RGMA: variants seen among roughly 807,000 people sequenced by gnomAD.
The protein encoded by RGMA is repulsive guidance molecule A.
Under a neutral mutation model 23.2 loss-of-function variants are expected in RGMA, and 10 were observed. That is an observed-to-expected ratio of 0.43 (90% confidence interval 0.27 to 0.73). The LOEUF (loss-of-function observed/expected upper bound fraction) is 0.73. RGMA is among the 30% of genes least tolerant of loss of function. The pLI is 0.20. For missense variants in RGMA, 547 were observed against 630.5 expected (o/e 0.87, Z 1.42); for synonymous variants, 308 against 279.3 (o/e 1.10, Z -1.03).
intron 1 of RGMA, among the ~76,000 whole-genome samples, chr15:93,084,690 C>T (rs1460978231): frequency 6.6e-6 from 1 of 152,160 alleles, no homozygotes; most frequent in Admixed American, 6.5e-5. Flanking sequence ...CCATGCTGGT[C>T]TCGAACCCCT....
chr15:93,051,433 C>T (rs769452468), intron 3 of RGMA, among the ~76,000 whole-genome samples: 16 of 152,342 alleles, frequency 1.1e-4, no homozygotes, highest in East Asian at 5.8e-4. Flanking sequence ...TTCCTGGCCT[C>T]GAGGCCTTGC....
At position 93,073,427 on chromosome 15, in the gene RGMA, G is replaced by A. The variant is rs148092843; in HGVS notation, c.15-396C>T. On this transcript the variant is annotated intron_variant, in intron 1 of 3. Coordinates refer to ENST00000329082, the MANE Select transcript of RGMA (RefSeq NM_020211.3). ...GACCCTCGCGCCATCTCCAGCCCGC[G>A]GCTGTCCTTGCAAACCAGGCCCAGC... 833 of 788,450 alleles carry A rather than the reference G, an allele frequency of 1.1e-3. 6 individuals are homozygous for A. The African/African-American group carries it at 0.013, about 12-fold the overall frequency. The allele number at this position is 788,450 out of a possible 1,614,324, so 48.8% of individuals were successfully genotyped here. A position where few individuals can be genotyped will look rare whatever the true frequency, so the allele number is the denominator to read the frequency against.
intron 1 of RGMA, chr15:93,073,617 G>A (rs1895413815): frequency 1.3e-6 from 2 of 1,536,928 alleles, no homozygotes; most frequent in African/African-American, 2.7e-5. Context: ...TGGCTCATCA[G>A]TCGCACTCAG....
intron 1 of RGMA, chr15:93,088,237 G>T: frequency 1.1e-5 from 5 of 440,284 alleles, no homozygotes; most frequent in Non-Finnish European, 1.5e-5. Flanking sequence ...CCCCACACCC[G>T]CCCTCCCATT....
At chr15:93,053,363 A>G (rs1298390480) in intron 2 of RGMA, among the ~76,000 whole-genome samples, 1 of 152,210 alleles carries the variant, frequency 6.6e-6, no homozygotes, top group Non-Finnish European at 1.5e-5. Flanking sequence ...GGCCAGGCAC[A>G]CAGACCTGCA....
At chr15:93,059,374 A>T (rs2055066393) in intron 2 of RGMA, among the ~76,000 whole-genome samples, 1 of 152,128 alleles carries the variant, frequency 6.6e-6, no homozygotes, top group Non-Finnish European at 1.5e-5. Flanking sequence ...ACCCATCCCG[A>T]CTTCTTGGGT....
At chr15:93,055,748 G>A (rs1177006963) in intron 2 of RGMA, among the ~76,000 whole-genome samples, 1 of 152,216 alleles carries the variant, frequency 6.6e-6, no homozygotes, top group Non-Finnish European at 1.5e-5. Context: ...GTTCCAAGGG[G>A]TCACCTCCCA....
At chr15:93,065,647 GGGCTGCC>G (rs1895118867) in intron 2 of RGMA, 2 of 957,878 alleles carry the variant, frequency 2.1e-6, no homozygotes, top group African/African-American at 3.3e-5. Flanking sequence ...CAGGGGCTGC[GGGCTGCC>G]GGGGGCCGGG....
At position 93,036,245 on chromosome 15, in the gene RGMA, A is replaced by T. The variant is rs2054659437; in HGVS notation, c.*8753T>A. On this transcript the variant is annotated 3_prime_UTR_variant, in exon 4 of 4. Coordinates refer to ENST00000329082, the MANE Select transcript of RGMA (RefSeq NM_020211.3). ...TCATGACGTATTTGTTGAATGCCTGAATGTGCCCCCAAATCCAGACTACGA... is the reference window on the plus strand; with the variant it reads ...TCATGACGTATTTGTTGAATGCCTGTATGTGCCCCCAAATCCAGACTACGA... 6.6e-6 allele frequency: 1 copy of T among 152,174 alleles called. No individual in the cohort carries two copies. The highest frequency in any genetic ancestry group is 2.1e-4 in the South Asian group (1 of 4,830). The allele number at this position is 152,174 out of a possible 1,614,324, so 9.4% of individuals were successfully genotyped here. A position where few individuals can be genotyped will look rare whatever the true frequency, so the allele number is the denominator to read the frequency against.
intron 2 of RGMA, chr15:93,066,602 C>A (rs977625723): frequency 8.8e-6 from 4 of 455,788 alleles, no homozygotes; most frequent in Admixed American, 7.5e-5. Context: ...CCCCGGGCAT[C>A]GTCGCCGTGG....
At chr15:93,067,098 A>G (rs1895182063) in intron 2 of RGMA, among the ~76,000 whole-genome samples, 1 of 152,250 alleles carries the variant, frequency 6.6e-6, no homozygotes, top group Non-Finnish European at 1.5e-5. Context: ...AGAAGGATAT[A>G]AAGGTATTAT....
intron 2 of RGMA, among the ~76,000 whole-genome samples, chr15:93,068,769 G>C (rs77880514): frequency 0.06 from 9,147 of 152,240 alleles, 344 homozygotes; most frequent in African/African-American, 0.11. Flanking sequence ...ATGAGAAGTA[G>C]GAGGGATCTG....
At chr15:93,046,854 A>G (rs1008275189) in intron 3 of RGMA, among the ~76,000 whole-genome samples, 2 of 150,310 alleles carry the variant, frequency 1.3e-5, no homozygotes, top group African/African-American at 4.8e-5. Context: ...GCCTGTGGCC[A>G]GGGGTGAGGG....
In RGMA at chr15:93,041,952, CAGG is replaced by C. The variant is rs1313805698; in HGVS notation, c.*3043_*3045del. 6.6e-6 allele frequency: 1 copy of C among 152,314 alleles called. No homozygotes were observed. Among genetic ancestry groups the C allele is most frequent in the Non-Finnish European group, 1.5e-5 (1 of 68,138 alleles). The allele number at this position is 152,314 out of a possible 1,614,324, so 9.4% of individuals were successfully genotyped here. ...GGCCAAGGCAGGCGGATCACGAGGT[CAGG>C]AGATCAAGACCATACTGGTCAACAT... On this transcript the variant is annotated 3_prime_UTR_variant, in exon 4 of 4. Coordinates refer to ENST00000329082, the MANE Select transcript of RGMA (RefSeq NM_020211.3).
At chr15:93,048,316 A>C (rs944508220) in intron 3 of RGMA, among the ~76,000 whole-genome samples, 10 of 152,140 alleles carry the variant, frequency 6.6e-5, no homozygotes, top group African/African-American at 2.2e-4. Context: ...AAAATGTGTT[A>C]GTCAGGCAAG....
In RGMA at chr15:93,038,092, C is replaced by T. The variant is rs972581778; in HGVS notation, c.*6906G>A. ...CTTAGGGAGGGAAGGATTAAAAAGT[C>T]GAAATGTTGAAAAGCCCTGCAGGAT... On this transcript the variant is annotated 3_prime_UTR_variant, in exon 4 of 4. Transcript: ENST00000329082. 4 of 152,268 alleles carry T rather than the reference C, an allele frequency of 2.6e-5. No individual in the cohort carries two copies. The highest frequency in any genetic ancestry group is 1.9e-4 in the East Asian group (1 of 5,184). 9.4% of individuals were successfully genotyped at this position (152,268 alleles called of 1,614,324 possible).
rs953896724 is a variant in RGMA at position 93,041,859 on chromosome 15, T to A, written c.*3139A>T. ...TCTGGGAGCCCTGCAAGAACAGGGC[T>A]TTAGAACGTTCTCCTTTTTTGGCCG... is the stretch of plus-strand genomic sequence containing the variant. On this transcript the variant is annotated 3_prime_UTR_variant, in exon 4 of 4. Transcript: ENST00000329082. 6.6e-6 allele frequency: 1 copy of A among 152,292 alleles called. No homozygotes were observed. Among genetic ancestry groups the A allele is most frequent in the South Asian group, 2.1e-4 (1 of 4,826 alleles). The allele number at this position is 152,292 out of a possible 1,614,324, so 9.4% of individuals were successfully genotyped here.
At position 93,042,566 on chromosome 15, in the gene RGMA, GTGC is replaced by G. The variant is rs1290209660; in HGVS notation, c.*2429_*2431del. The G allele has an allele frequency of 6.6e-6, 1 of 152,518 alleles. No individual in the cohort carries two copies. The highest frequency in any genetic ancestry group is 1.5e-5 in the Non-Finnish European group (1 of 68,280). The allele number at this position is 152,518 out of a possible 1,614,324, so 9.4% of individuals were successfully genotyped here. On this transcript the variant is annotated 3_prime_UTR_variant, in exon 4 of 4. Coordinates refer to ENST00000329082, the MANE Select transcript of RGMA (RefSeq NM_020211.3). The stretch of plus-strand genomic sequence containing the variant: ...AGCCAGGATGTAGGCTGGCTTAACT[GTGC>G]TGCTATTCTGCCTCATGGCATTTAG...
At chr15:93,058,806 T>C (rs117449975) in intron 2 of RGMA, among the ~76,000 whole-genome samples, 2,987 of 152,256 alleles carry the variant, frequency 0.02, 50 homozygotes, top group Middle Eastern at 0.044. Context: ...ACGAAGGTGC[T>C]GCGGGGCCAC....
Sources: gnomAD v4.1 joint callset for allele counts (sites outside exome capture counted in the v4.1 genomes callset) on GRCh38, gnomAD v4.1.1 for gene constraint, MANE v1.5 for transcripts, NCBI Gene and HGNC (gene_info 2026-07-23, HGNC 2026-07-21) for gene names.